CCDC141: variants seen among roughly 807,000 people sequenced by gnomAD.
The protein encoded by CCDC141 is coiled-coil domain containing 141.
CCDC141 carries 168 observed loss-of-function variants against 181.0 expected under a neutral mutation model. The ratio of observed to expected loss-of-function variants is 0.93; its 90% CI spans 0.82 to 1.05. The LOEUF (loss-of-function observed/expected upper bound fraction) is 1.05, where lower values mean the gene tolerates loss of function less well. CCDC141 is among the 50% of genes least tolerant of loss of function. CCDC141 has a pLI of 0.00. For missense variants in CCDC141, 1,902 were observed against 1,788.5 expected, an observed-to-expected ratio of 1.06 and a Z score of -1.14; for synonymous variants, 666 against 642.3, an observed-to-expected ratio of 1.04 and a Z score of -0.56.
chr2:178,837,376 TTC>T lies in CCDC141; in HGVS notation c.3841_3842del (p.Glu1281AsnfsTer7). ...AFADACNDKR[E>X]TFSSHFERPY... ...GCCTCTCAAAATGACTTGAAAATGT[TTC>T]TCTCTTATCATTGCATGCATCCGCA... is the stretch of plus-strand genomic sequence containing the variant. On this transcript the variant is annotated frameshift_variant, in exon 23 of 24. Transcript: ENST00000443758. LOFTEE classifies it high-confidence loss of function. 6.2e-7 allele frequency: 1 copy of T among 1,614,112 alleles called. No homozygotes were observed. Among genetic ancestry groups the T allele is most frequent in the East Asian group, 2.2e-5 (1 of 44,868 alleles).
intron 15 of CCDC141, among the ~76,000 whole-genome samples, chr2:178,868,608 C>CAAAAA (rs71393439): frequency 1.2e-5 from 1 of 85,582 alleles, no homozygotes; most frequent in East Asian, 3.2e-4. Flanking sequence ...ACTTGAAGTG[C>CAAAAA]AAAAAAAAAA....
At chr2:178,958,656 T>A (rs1267931089) in intron 5 of CCDC141, among the ~76,000 whole-genome samples, 3 of 152,104 alleles carry the variant, frequency 2.0e-5, no homozygotes, top group Non-Finnish European at 4.4e-5. Context: ...TTCAAGCATG[T>A]GGCTGGGTTA....
At chr2:178,901,452 A>G (rs1028682539) in intron 8 of CCDC141, among the ~76,000 whole-genome samples, 3 of 152,124 alleles carry the variant, frequency 2.0e-5, no homozygotes, top group African/African-American at 2.4e-5. Flanking sequence ...CTGGTTCAAT[A>G]TACGCAAATC....
intron 21 of CCDC141, among the ~76,000 whole-genome samples, chr2:178,848,485 C>A (rs1312695670): frequency 2.0e-5 from 3 of 151,958 alleles, no homozygotes; most frequent in Non-Finnish European, 4.4e-5. Flanking sequence ...ACAGGTTGAG[C>A]GTGAGAAAGA....
chr2:179,046,288 C>T (rs778263810), intron 2 of CCDC141, among the ~76,000 whole-genome samples: 13 of 152,208 alleles, frequency 8.5e-5, no homozygotes, highest in Non-Finnish European at 1.3e-4. Flanking sequence ...CCATTTAGGG[C>T]TTAATGCTGT....
At chr2:179,049,445 C>T (rs555807191) in intron 1 of CCDC141, among the ~76,000 whole-genome samples, 2 of 152,126 alleles carry the variant, frequency 1.3e-5, no homozygotes, top group Non-Finnish European at 2.9e-5. Flanking sequence ...ATCACATCCA[C>T]TCTCAAAAAT....
At chr2:178,906,247 C>A (rs1687964021) in intron 7 of CCDC141, among the ~76,000 whole-genome samples, 1 of 152,122 alleles carries the variant, frequency 6.6e-6, no homozygotes, top group African/African-American at 2.4e-5. Flanking sequence ...ACCCAGCATG[C>A]AGGATTAAGC....
intron 2 of CCDC141, among the ~76,000 whole-genome samples, chr2:178,997,688 C>G (rs1692349469): frequency 6.6e-6 from 1 of 152,144 alleles, no homozygotes; most frequent in South Asian, 2.1e-4. Flanking sequence ...TCCTCATTCC[C>G]CAGAATGCCA....
intron 8 of CCDC141, among the ~76,000 whole-genome samples, chr2:178,894,504 C>T (rs951579797): frequency 3.3e-5 from 5 of 151,912 alleles, no homozygotes; most frequent in African/African-American, 7.2e-5. Flanking sequence ...CTGAGATCAT[C>T]AGAGAGATTA....
chr2:178,913,274 T>G (rs1051544083), intron 7 of CCDC141, among the ~76,000 whole-genome samples: 12 of 152,220 alleles, frequency 7.9e-5, no homozygotes, highest in Admixed American at 3.3e-4. Context: ...GACAGGCTGC[T>G]GAGGAATTAT....
chr2:179,028,506 T>C (rs2042917655), intron 2 of CCDC141, among the ~76,000 whole-genome samples: 1 of 152,200 alleles, frequency 6.6e-6, no homozygotes, highest in African/African-American at 2.4e-5. Flanking sequence ...TGAAACTATT[T>C]TAGCAAATTA....
chr2:178,888,086 AT>A (rs1686970664), intron 9 of CCDC141, among the ~76,000 whole-genome samples: 2 of 152,168 alleles, frequency 1.3e-5, no homozygotes, highest in Admixed American at 1.3e-4. Flanking sequence ...ATGGCAATTT[AT>A]TCCTTGAAAA....
intron 17 of CCDC141, among the ~76,000 whole-genome samples, chr2:178,861,641 A>AAC (rs1685626242): frequency 6.6e-6 from 1 of 151,712 alleles, no homozygotes; most frequent in South Asian, 2.1e-4. Context: ...GTCTCAAAAA[A>AAC]AAAAAAAAAA....
chr2:179,031,361 G>A (rs1001814668), intron 2 of CCDC141, among the ~76,000 whole-genome samples: 11 of 151,500 alleles, frequency 7.3e-5, no homozygotes, highest in South Asian at 2.1e-4. Flanking sequence ...CATCTTTTAC[G>A]CCTAATATTA....
At chr2:179,025,700 C>G (rs1288767424) in intron 2 of CCDC141, among the ~76,000 whole-genome samples, 3 of 152,102 alleles carry the variant, frequency 2.0e-5, no homozygotes, top group Non-Finnish European at 4.4e-5. Context: ...AACTTTGAAA[C>G]TAGGTAACAG....
At chr2:179,040,693 G>A (rs60580993) in intron 2 of CCDC141, among the ~76,000 whole-genome samples, 15,316 of 152,084 alleles carry the variant, frequency 0.1, 1,168 homozygotes, top group Admixed American at 0.2. Context: ...TTCCATCTAT[G>A]TCCCCGCAAA....
chr2:178,988,911 G>A (rs1691893073), intron 2 of CCDC141, among the ~76,000 whole-genome samples: 1 of 152,068 alleles, frequency 6.6e-6, no homozygotes, highest in Non-Finnish European at 1.5e-5. Context: ...GGAAAGAATA[G>A]TCTCAAACTA....
chr2:179,044,173 A>AT, intron 2 of CCDC141, among the ~76,000 whole-genome samples: 1 of 152,358 alleles, frequency 6.6e-6, no homozygotes, highest in Admixed American at 6.5e-5. Context: ...AAACAAATGG[A>AT]AGAACATTCC....
At chr2:178,845,585 G>T in intron 22 of CCDC141, 41 bp downstream of exon 22, 1 of 1,106,530 alleles carries the variant, frequency 9.0e-7, no homozygotes, top group Non-Finnish European at 1.4e-6. Flanking sequence ...TAACCTCAAA[G>T]CAAAAGTCCT....
Sources: allele counts gnomAD v4.1 joint callset (sites outside exome capture counted in the v4.1 genomes callset), GRCh38; gene constraint gnomAD v4.1.1; transcripts MANE v1.5; gene names NCBI Gene and HGNC (gene_info 2026-07-23, HGNC 2026-07-21).